The following HS6ST3 variants were observed in gnomAD, a reference collection of about 807,000 sequenced individuals.
The protein encoded by HS6ST3 is heparan sulfate 6-O-sulfotransferase 3.
Under a neutral mutation model 36.7 loss-of-function variants are expected in HS6ST3, and 12 were observed. The ratio of observed to expected loss-of-function variants is 0.33; its 90% CI spans 0.21 to 0.53. HS6ST3 has a LOEUF of 0.53. Ranked by LOEUF, HS6ST3 falls within the 20% of genes least tolerant of loss-of-function variation. The probability of loss-of-function intolerance (pLI) is 0.95; values close to 1 mark genes in which losing one functional copy is unlikely to be tolerated. For synonymous variants in HS6ST3, 240 were observed against 257.5 expected (o/e 0.93, Z 0.65); for missense variants, 584 against 640.9 (o/e 0.91, Z 0.96).
chr13:96,314,739 A>G (rs1175422381), intron 1 of HS6ST3, among the ~76,000 whole-genome samples: 1 of 152,200 alleles, frequency 6.6e-6, no homozygotes, highest in Admixed American at 6.5e-5. Flanking sequence ...AAGTAAAACT[A>G]AACTATTTAT....
chr13:96,634,801 C>T (rs960279744), intron 1 of HS6ST3, among the ~76,000 whole-genome samples: 1 of 152,156 alleles, frequency 6.6e-6, no homozygotes, highest in Admixed American at 6.5e-5. Context: ...CAGCGATTCT[C>T]GACTACTGCT....
At chr13:96,597,226 A>G (rs2056404883) in intron 1 of HS6ST3, among the ~76,000 whole-genome samples, 1 of 152,096 alleles carries the variant, frequency 6.6e-6, no homozygotes, top group South Asian at 2.1e-4. Context: ...ATCATGAAAA[A>G]TAACTAATGC....
chr13:96,827,494 A>G (rs949025554), intron 1 of HS6ST3, among the ~76,000 whole-genome samples: 7 of 152,234 alleles, frequency 4.6e-5, no homozygotes, highest in Non-Finnish European at 1.0e-4. Flanking sequence ...AACAAAATGT[A>G]CATGAGAATA....
At chr13:96,798,411 T>G (rs1241471547) in intron 1 of HS6ST3, among the ~76,000 whole-genome samples, 1 of 152,124 alleles carries the variant, frequency 6.6e-6, no homozygotes, top group East Asian at 1.9e-4. Flanking sequence ...AGCTCCCATC[T>G]TGAAGCTACC....
chr13:96,579,291 G>A (rs1441960128), intron 1 of HS6ST3, among the ~76,000 whole-genome samples: 1 of 151,968 alleles, frequency 6.6e-6, no homozygotes. Context: ...GGAGCTATGT[G>A]GTTTTTTCAT....
In HS6ST3 at chr13:96,231,996, T is replaced by C. The variant is rs560788251; in HGVS notation, c.707+140427T>C. ...TTCCAGCAGCATTTGTCTGCTTGGG[T>C]ATAAGAGGGATACACATAGCCCATT... On this transcript the variant is annotated intron_variant, in intron 1 of 1. Coordinates refer to ENST00000376705, the MANE Select transcript of HS6ST3 (RefSeq NM_153456.4). 4.6e-5 allele frequency among the ~76,000 whole-genome samples: 7 copies of C among 152,150 alleles called. No individual in the cohort carries two copies. The East Asian group carries it at 1.4e-3, about 29-fold the overall frequency.
At chr13:96,550,800 A>G (rs974494159) in intron 1 of HS6ST3, among the ~76,000 whole-genome samples, 2 of 152,132 alleles carry the variant, frequency 1.3e-5, no homozygotes, top group African/African-American at 2.4e-5. Context: ...TTAAATGTTT[A>G]TGTTAATTTC....
chr13:96,739,240 T>A (rs796391715), intron 1 of HS6ST3, among the ~76,000 whole-genome samples: 4,670 of 149,206 alleles, frequency 0.031, 302 homozygotes, highest in East Asian at 0.22. Flanking sequence ...TGTGTGTGTG[T>A]GTGTGTGTGT....
chr13:96,457,590 T>C (rs1184342523), intron 1 of HS6ST3, among the ~76,000 whole-genome samples: 2 of 152,118 alleles, frequency 1.3e-5, no homozygotes, highest in Non-Finnish European at 2.9e-5. Flanking sequence ...AAAAATTGGA[T>C]TGGACAGTAT....
chr13:96,359,476 A>G (rs919742992), intron 1 of HS6ST3, among the ~76,000 whole-genome samples: 4 of 152,142 alleles, frequency 2.6e-5, no homozygotes, highest in African/African-American at 9.7e-5. Context: ...TTTCATTTTA[A>G]CCATTAACAG....
rs566530522 is a variant in HS6ST3, at chr13:96,316,602, G to A, written c.707+225033G>A. ...TATTCTGAAGTTACCATTTGGCCTC[G>A]TCTCCCCTAAATGATGAGAAAATTG... On this transcript the variant is annotated intron_variant, in intron 1 of 1. Coordinates refer to ENST00000376705, the MANE Select transcript of HS6ST3 (RefSeq NM_153456.4). 4.6e-5 allele frequency among the ~76,000 whole-genome samples: 7 copies of A among 152,220 alleles called. No individual in the cohort carries two copies. In the South Asian group the frequency reaches 1.2e-3, roughly 27 times the overall value.
chr13:96,579,200 A>G (rs1250143313), intron 1 of HS6ST3, among the ~76,000 whole-genome samples: 1 of 152,184 alleles, frequency 6.6e-6, no homozygotes, highest in Non-Finnish European at 1.5e-5. Context: ...ATTTTGTACA[A>G]GATCTGTTTT....
intron 1 of HS6ST3, among the ~76,000 whole-genome samples, chr13:96,265,560 T>C (rs2054688138): frequency 6.6e-6 from 1 of 152,120 alleles, no homozygotes; most frequent in South Asian, 2.1e-4. Flanking sequence ...AAGTAAAAAT[T>C]CCTATTTTGG....
chr13:96,756,499 C>T (rs1431365621), intron 1 of HS6ST3, among the ~76,000 whole-genome samples: 2 of 151,884 alleles, frequency 1.3e-5, no homozygotes, highest in African/African-American at 4.8e-5. Context: ...TTGATGTATC[C>T]CTTATGCATG....
chr13:96,706,441 A>ATATAT (rs1875428838), intron 1 of HS6ST3, among the ~76,000 whole-genome samples: 22 of 142,450 alleles, frequency 1.5e-4, no homozygotes, highest in South Asian at 6.6e-4. Flanking sequence ...ATATATATAT[A>ATATAT]ATCAGGGAAA....
At chr13:96,740,225 C>G (rs1238439093) in intron 1 of HS6ST3, among the ~76,000 whole-genome samples, 1 of 152,110 alleles carries the variant, frequency 6.6e-6, no homozygotes, top group Non-Finnish European at 1.5e-5. Context: ...CTCATATGCC[C>G]CGAATTCAAT....
chr13:96,408,504 G>A (rs894669231), intron 1 of HS6ST3, among the ~76,000 whole-genome samples: 4 of 152,086 alleles, frequency 2.6e-5, no homozygotes, highest in East Asian at 1.9e-4. Context: ...ATTTGTTGTC[G>A]AATAGGCAGT....
chr13:96,807,397 C>T (rs573094882), intron 1 of HS6ST3, among the ~76,000 whole-genome samples: 124 of 152,158 alleles, frequency 8.1e-4, no homozygotes, highest in African/African-American at 2.9e-3. Context: ...TAAGGTTATA[C>T]CAGAGTAGGG....
At chr13:96,800,872 AAAAG>A (rs1427912576) in intron 1 of HS6ST3, among the ~76,000 whole-genome samples, 5 of 152,086 alleles carry the variant, frequency 3.3e-5, no homozygotes, top group Non-Finnish European at 7.4e-5. Flanking sequence ...TTATCTCAAA[AAAAG>A]AAAAAGAAAA....
Sources: gnomAD v4.1 joint callset for allele counts (sites outside exome capture counted in the v4.1 genomes callset) on GRCh38, gnomAD v4.1.1 for gene constraint, MANE v1.5 for transcripts, NCBI Gene and HGNC (gene_info 2026-07-23, HGNC 2026-07-21) for gene names.